HSPA2: variants seen among roughly 807,000 people sequenced by gnomAD.
HSPA2 encodes the protein heat shock protein family A (Hsp70) member 2.
A neutral mutation model predicts 35.0 loss-of-function variants in HSPA2; 13 were observed. The observed-to-expected ratio is 0.37, with a 90% CI of 0.24 to 0.59. The LOEUF (loss-of-function observed/expected upper bound fraction) is 0.59. Among genes scored for constraint, HSPA2 ranks in the 20% least tolerant of loss-of-function variants. HSPA2 has a pLI of 0.70. For synonymous variants in HSPA2, 368 were observed against 382.1 expected (o/e 0.96, Z 0.43); for missense variants, 565 against 885.4 (o/e 0.64, Z 4.59).
upstream of HSPA2, chr14:64,540,501 T>C (rs2080018087): frequency 7.0e-6 from 2 of 287,608 alleles, no homozygotes; most frequent in Non-Finnish European, 1.3e-5. Context: ...CACCACGGCC[T>C]GGCGGCCGAG....
At position 64,542,286 on chromosome 14, in the gene HSPA2, T is replaced by A. The variant is rs955817846; in HGVS notation, c.1437T>A (p.Val479=). The change falls in exon 1 of 1, where the codon GTT becomes GTA. Residue 479 remains valine, a synonymous_variant. Coordinates refer to ENST00000247207, the MANE Select transcript of HSPA2 (RefSeq NM_021979.4). This position sits in a 1 kb window ranked among gnomAD's most constrained non-coding sequence, Gnocchi z 5.7. ...PAPRGVPQIE[V]TFDIDANGIL... ...CTCGCGGGGTCCCCCAAATCGAGGT[T>A]ACCTTCGACATTGACGCCAATGGCA... 1 of 1,613,690 alleles carries A rather than the reference T, an allele frequency of 6.2e-7. No individual in the cohort carries two copies. Among genetic ancestry groups the A allele is most frequent in the Non-Finnish European group, 8.5e-7 (1 of 1,179,900 alleles).
upstream of HSPA2, among the ~76,000 whole-genome samples, chr14:64,539,576 G>GCCGCCACACCCCTGTCTGCCGTC (rs45486102): frequency 0.027 from 4,114 of 152,204 alleles, 178 homozygotes; most frequent in African/African-American, 0.093. Context: ...AGGACAAGTC[G>GCCGCCACACCCCTGTCTGCCGTC]CCGCCACACC....
At chr14:64,537,821 G>A (rs533180390), upstream of HSPA2, among the ~76,000 whole-genome samples, 3 of 150,902 alleles carry the variant, frequency 2.0e-5, no homozygotes, top group Non-Finnish European at 3.0e-5. Context: ...TCTGCCTCCC[G>A]GATTCAAGCA....
chr14:64,539,913 G>A (rs375979709), upstream of HSPA2, among the ~76,000 whole-genome samples: 17 of 152,060 alleles, frequency 1.1e-4, no homozygotes, highest in African/African-American at 3.6e-4. Context: ...ATGTCTTAAC[G>A]TCGTGATCCG....
In HSPA2 at chr14:64,542,542, A is replaced by G. The variant is rs541181720; in HGVS notation, c.1693A>G (p.Ile565Val). Residue 565 changes from isoleucine (I) to valine (V), a missense_variant, in exon 1 of 1, where the codon ATT (isoleucine) becomes GTT (valine). By Grantham distance (29) the Ile-to-Val change is conservative (BLOSUM62 3). This residue lies in a region of HSPA2 where 147 missense variants were observed against 166.7 expected (regional missense o/e 0.88). Coordinates refer to ENST00000247207, the MANE Select transcript of HSPA2 (RefSeq NM_021979.4). The surrounding 1 kb of genome is among the most constrained non-coding windows in gnomAD (Gnocchi z 5.7). ...GGAAGACGAGAAACTGAGGGGCAAG[A>G]TTAGCGAGCAGGACAAAAACAAGAT... is the stretch of plus-strand genomic sequence containing the variant. Reference protein sequence around the residue: ...TVEDEKLRGKISEQDKNKILD... With the variant: ...TVEDEKLRGKVSEQDKNKILD... 5.1e-5 allele frequency: 82 copies of G among 1,613,656 alleles called. 2 individuals are homozygous for G. The South Asian group carries it at 8.2e-4, about 16-fold the overall frequency.
Position 64,542,720 on chromosome 14 carries a change from G to A in HSPA2, c.1871G>A (p.Gly624Asp). ...YQGGPGGGSG[G>D]GGSGASGGPT... Reference sequence around the variant, plus strand: ...GGTGGTCCTGGCGGCGGCAGCGGCGGCGGCGGTTCAGGAGCCTCCGGGGGA... The same window carrying A: ...GGTGGTCCTGGCGGCGGCAGCGGCGACGGCGGTTCAGGAGCCTCCGGGGGA... The change falls in exon 1 of 1, where the codon GGC becomes GAC. Residue 624 changes from glycine to aspartate, a missense_variant. By Grantham distance (94) the Gly-to-Asp change is moderately conservative. Transcript: ENST00000247207. The surrounding 1 kb of genome is among the most constrained non-coding windows in gnomAD (Gnocchi z 5.7). 1 of 1,613,666 alleles carries A rather than the reference G, an allele frequency of 6.2e-7. No individual in the cohort carries two copies. The highest frequency in any genetic ancestry group is 2.2e-5 in the East Asian group (1 of 44,858).
At chr14:64,539,955 A>C (rs1249861200), upstream of HSPA2, among the ~76,000 whole-genome samples, 1 of 152,180 alleles carries the variant, frequency 6.6e-6, no homozygotes, top group Admixed American at 6.5e-5. Flanking sequence ...CTGGGATTAC[A>C]GGCGTTAGCC....
Position 64,542,707 on chromosome 14 carries a change from G to C in HSPA2, c.1858G>C (p.Gly620Arg), listed in dbSNP as rs1390628958. 1 of 1,613,844 alleles carries C rather than the reference G, an allele frequency of 6.2e-7. No individual in the cohort carries two copies. Among genetic ancestry groups the C allele is most frequent in the Non-Finnish European group, 8.5e-7 (1 of 1,179,908 alleles). ...CAAACTTTACCAAGGTGGTCCTGGC[G>C]GCGGCAGCGGCGGCGGCGGTTCAGG... ...ISKLYQGGPGGGSGGGGSGAS... is the reference protein window; with the variant it reads ...ISKLYQGGPGRGSGGGGSGAS... Residue 620 changes from glycine (G) to arginine (R), a missense_variant, in exon 1 of 1, where the codon GGC becomes CGC. By Grantham distance (125) the Gly-to-Arg change is moderately radical. Around this residue, in one of 4 missense-constraint regions of HSPA2, gnomAD observed 147 missense variants for 166.7 expected, o/e 0.88. Coordinates refer to ENST00000247207, the MANE Select transcript of HSPA2 (RefSeq NM_021979.4). This position sits in a 1 kb window ranked among gnomAD's most constrained non-coding sequence, Gnocchi z 5.7.
upstream of HSPA2, among the ~76,000 whole-genome samples, chr14:64,537,729 CT>C (rs1454024408): frequency 1.1e-4 from 11 of 98,802 alleles, no homozygotes; most frequent in East Asian, 4.8e-4. Flanking sequence ...ATTTTCTTTT[CT>C]TTTTCTTTTT....
chr14:64,537,587 C>A (rs537352432), upstream of HSPA2, among the ~76,000 whole-genome samples: 184 of 149,250 alleles, frequency 1.2e-3, no homozygotes, highest in Non-Finnish European at 2.1e-3. Context: ...TCAAAAAAAA[C>A]CAAACAAATA....
At position 64,541,192 on chromosome 14, in the gene HSPA2, T is replaced by C. The variant is rs751125737; in HGVS notation, c.343T>C (p.Phe115Leu). Residue 115 changes from phenylalanine to leucine, a missense_variant, in exon 1 of 1, where the codon TTC (phenylalanine) becomes CTC (leucine). Phe to Leu is a conservative substitution (Grantham distance 22). Around this residue, in one of 4 missense-constraint regions of HSPA2, gnomAD observed 183 missense variants for 281.6 expected, o/e 0.65. Transcript: ENST00000247207. ...QVEYKGETKT[F>L]FPEEISSMVL... The stretch of plus-strand genomic sequence containing the variant: ...AGAGTACAAGGGGGAGACCAAGACC[T>C]TCTTCCCAGAGGAGATATCCTCCAT... The C allele has an allele frequency of 4.3e-6, 7 of 1,614,066 alleles. No homozygotes were observed. In the Admixed American group the frequency reaches 1.0e-4, roughly 23 times the overall value.
At position 64,540,813 on chromosome 14, in the gene HSPA2, G is replaced by A. The variant is rs1566642503; in HGVS notation, c.-37G>A. The A allele has an allele frequency of 5.0e-6, 8 of 1,607,364 alleles. No homozygotes were observed. The highest frequency in any genetic ancestry group is 1.7e-6 in the Non-Finnish European group (2 of 1,175,688). Reference sequence around the variant, plus strand: ...TGACTCCGCGGAGTTCATCTCCCTGGTTTTCCCGTCCTAACGTCGCTCGCC... The same window carrying A: ...TGACTCCGCGGAGTTCATCTCCCTGATTTTCCCGTCCTAACGTCGCTCGCC... On this transcript the variant is annotated 5_prime_UTR_variant, in exon 1 of 1. Coordinates refer to ENST00000247207, the MANE Select transcript of HSPA2 (RefSeq NM_021979.4).
In HSPA2 at chr14:64,542,501, A is replaced by G; in HGVS notation, c.1652A>G (p.Asn551Ser). The G allele has an allele frequency of 6.2e-7, 1 of 1,613,532 alleles. No homozygotes were observed. The highest frequency in any genetic ancestry group is 8.5e-7 in the Non-Finnish European group (1 of 1,179,964). ...AACGCCCTGGAGTCCTATACCTACA[A>G]CATCAAGCAGACGGTGGAAGACGAG... ...AKNALESYTYNIKQTVEDEKL... is the reference protein window; with the variant it reads ...AKNALESYTYSIKQTVEDEKL... The change falls in exon 1 of 1, where the codon AAC becomes AGC. Residue 551 changes from asparagine to serine, a missense_variant. Asn to Ser is a conservative substitution (Grantham distance 46, BLOSUM62 1). Coordinates refer to ENST00000247207, the MANE Select transcript of HSPA2 (RefSeq NM_021979.4). This position sits in a 1 kb window ranked among gnomAD's most constrained non-coding sequence, Gnocchi z 5.7.
In HSPA2 at chr14:64,542,704, G is replaced by A. The variant is rs1483843067; in HGVS notation, c.1855G>A (p.Gly619Ser). 2 of 1,613,904 alleles carry A rather than the reference G, an allele frequency of 1.2e-6. No homozygotes were observed. Among genetic ancestry groups the A allele is most frequent in the Non-Finnish European group, 1.7e-6 (2 of 1,180,002 alleles). The change falls in exon 1 of 1, where the codon GGC becomes AGC. Residue 619 changes from glycine to serine, a missense_variant. By Grantham distance (56) the Gly-to-Ser change is moderately conservative. This residue lies in a region of HSPA2 where 147 missense variants were observed against 166.7 expected (regional missense o/e 0.88). Coordinates refer to ENST00000247207, the MANE Select transcript of HSPA2 (RefSeq NM_021979.4). The surrounding 1 kb of genome is among the most constrained non-coding windows in gnomAD (Gnocchi z 5.7). The stretch of plus-strand genomic sequence containing the variant: ...CAGCAAACTTTACCAAGGTGGTCCT[G>A]GCGGCGGCAGCGGCGGCGGCGGTTC... ...IISKLYQGGP[G>S]GGSGGGGSGA...
chr14:64,536,073 A>G (rs2079979297), upstream of HSPA2: 1 of 152,226 alleles, frequency 6.6e-6, no homozygotes, highest in African/African-American at 2.4e-5. Flanking sequence ...TTAATAGTCA[A>G]GTTCTCAAAA....
upstream of HSPA2, chr14:64,540,375 CCG>C (rs2080016848): frequency 9.3e-6 from 2 of 215,306 alleles, no homozygotes; most frequent in African/African-American, 4.7e-5. Flanking sequence ...TGCTCATTGG[CCG>C]CGTGCCCTGC....
upstream of HSPA2, among the ~76,000 whole-genome samples, chr14:64,539,411 G>A (rs1486120012): frequency 6.6e-6 from 1 of 152,124 alleles, no homozygotes; most frequent in Non-Finnish European, 1.5e-5. Flanking sequence ...TATATTATGG[G>A]TTTTCCAGTC....
At chr14:64,537,674 C>G (rs915095151), upstream of HSPA2, among the ~76,000 whole-genome samples, 4 of 150,688 alleles carry the variant, frequency 2.7e-5, no homozygotes, top group Non-Finnish European at 5.9e-5. Context: ...CAATTTATGA[C>G]AGTTTCAATT....
rs751634007 is a variant in HSPA2, at chr14:64,542,810, C to G, written c.*41C>G. On this transcript the variant is annotated 3_prime_UTR_variant, in exon 1 of 1. Transcript: ENST00000247207. This position sits in a 1 kb window ranked among gnomAD's most constrained non-coding sequence, Gnocchi z 5.7. ...AGCGTAAACCTCTTTGCCTTTCTCT[C>G]TCTCTCTTTTTTTTTGTTTGTTTCT... 38 of 1,454,678 alleles carry G rather than the reference C, an allele frequency of 2.6e-5. No homozygotes were observed. The highest frequency in any genetic ancestry group is 3.4e-5 in the Non-Finnish European group (38 of 1,105,248). The allele number at this position is 1,454,678 out of a possible 1,614,324, so 90.1% of individuals were successfully genotyped here. A position where few individuals can be genotyped will look rare whatever the true frequency, so the allele number is the denominator to read the frequency against.
Sources: gnomAD v4.1 joint callset for allele counts (sites outside exome capture counted in the v4.1 genomes callset) on GRCh38, gnomAD v4.1.1 for gene constraint, gnomAD v4.1.1 regional missense constraint, Gnocchi (gnomAD v3.1) non-coding constraint, MANE v1.5 for transcripts, NCBI Gene and HGNC (gene_info 2026-07-23, HGNC 2026-07-21) for gene names.